The following GRM1 variants were observed in gnomAD, a reference collection of about 807,000 sequenced individuals.
GRM1 encodes metabotropic glutamate receptor 1.
Under a neutral mutation model 90.9 loss-of-function variants are expected in GRM1, and 33 were observed. The observed-to-expected ratio is 0.36, with a 90% CI of 0.28 to 0.49. The LOEUF (loss-of-function observed/expected upper bound fraction) is 0.49, where lower values mean the gene tolerates loss of function less well. Ranked by LOEUF, GRM1 falls within the 20% of genes least tolerant of loss-of-function variation. GRM1 has a pLI of 0.99. For missense variants in GRM1, 1,190 were observed against 1,534.3 expected (o/e 0.78, Z 3.75); for synonymous variants, 700 against 613.2 (o/e 1.14, Z -2.09).
At chr6:146,032,780 T>A (rs1562416434) in intron 1 of GRM1, among the ~76,000 whole-genome samples, 1 of 152,200 alleles carries the variant, frequency 6.6e-6, no homozygotes, top group Non-Finnish European at 1.5e-5. Flanking sequence ...TCGTTTCTTG[T>A]ATTAGAAGTT....
At chr6:146,294,155 A>C (rs910681027) in intron 2 of GRM1, among the ~76,000 whole-genome samples, 22 of 151,580 alleles carry the variant, frequency 1.5e-4, no homozygotes, top group Admixed American at 1.3e-3. Context: ...CTATTTTCTT[A>C]AGTTGAAAAT....
At chr6:146,050,367 CAGAT>C (rs1468551782) in intron 1 of GRM1, among the ~76,000 whole-genome samples, 4 of 151,934 alleles carry the variant, frequency 2.6e-5, no homozygotes, top group African/African-American at 9.7e-5. Flanking sequence ...CTGCAAGTAA[CAGAT>C]AGAGGGAGGC....
chr6:146,255,937 T>A (rs2114776874), intron 2 of GRM1, among the ~76,000 whole-genome samples: 1 of 152,288 alleles, frequency 6.6e-6, no homozygotes, highest in East Asian at 1.9e-4. Context: ...CCAAGATGTG[T>A]ATTTGTTTCA....
At chr6:146,363,255 T>C (rs1562639998) in intron 5 of GRM1, among the ~76,000 whole-genome samples, 3 of 152,312 alleles carry the variant, frequency 2.0e-5, no homozygotes, top group South Asian at 4.1e-4. Flanking sequence ...TCTGCAGAGA[T>C]TGGAGTTAGG....
chr6:146,363,414 C>T (rs1049155415), intron 5 of GRM1, among the ~76,000 whole-genome samples: 1 of 152,176 alleles, frequency 6.6e-6, no homozygotes. Flanking sequence ...CTAGCTTCTG[C>T]ATTACTGGGT....
chr6:146,043,139 T>A (rs1459778468), intron 1 of GRM1, among the ~76,000 whole-genome samples: 1 of 151,464 alleles, frequency 6.6e-6, no homozygotes, highest in Non-Finnish European at 1.5e-5. Context: ...AAAAAAAAAA[T>A]TAAAAAATAA....
At chr6:146,270,404 A>G (rs1466467046) in intron 2 of GRM1, among the ~76,000 whole-genome samples, 1 of 152,202 alleles carries the variant, frequency 6.6e-6, no homozygotes, top group African/African-American at 2.4e-5. Context: ...AGAATCTTCT[A>G]CATTATGTCA....
At chr6:146,074,379 G>A (rs1189745519) in intron 1 of GRM1, among the ~76,000 whole-genome samples, 6 of 152,036 alleles carry the variant, frequency 3.9e-5, no homozygotes, top group South Asian at 4.1e-4. Context: ...TGTGACTTCC[G>A]TGCTCCCTTG....
At chr6:146,290,626 T>G (rs2114883147) in intron 2 of GRM1, among the ~76,000 whole-genome samples, 1 of 152,288 alleles carries the variant, frequency 6.6e-6, no homozygotes, top group Admixed American at 6.5e-5. Context: ...ACTCATTTTT[T>G]CTTTCAATTT....
chr6:146,435,395 T>G lies in GRM1; in HGVS notation c.*599T>G, dbSNP rs574304799. On this transcript the variant is annotated 3_prime_UTR_variant, in exon 8 of 8. Transcript: ENST00000282753. ...GACAGACTCCTCATCTTCAGGAGAC[T>G]CAGGAATGGAGCGGCACAGGGGTCT... 4.6e-4 allele frequency: 83 copies of G among 180,540 alleles called. No individual in the cohort carries two copies. Among genetic ancestry groups the G allele is most frequent in the Admixed American group, 4.2e-3 (79 of 18,684 alleles). 11.2% of individuals were successfully genotyped at this position (180,540 alleles called of 1,614,324 possible).
intron 7 of GRM1, among the ~76,000 whole-genome samples, chr6:146,422,528 A>C (rs1778033360): frequency 6.6e-6 from 1 of 152,188 alleles, no homozygotes; most frequent in Non-Finnish European, 1.5e-5. Flanking sequence ...ATTTGAAAGC[A>C]TTTTCACACA....
chr6:146,030,157 G>A lies in GRM1; in HGVS notation c.640G>A (p.Ala214Thr), dbSNP rs1582899209. The A allele has an allele frequency of 1.2e-6, 2 of 1,614,066 alleles. No homozygotes were observed. Among genetic ancestry groups the A allele is most frequent in the Non-Finnish European group, 1.7e-6 (2 of 1,179,956 alleles). The change falls in exon 1 of 8, where the codon GCC becomes ACC. Residue 214 changes from alanine (A) to threonine (T), a missense_variant. Coordinates refer to ENST00000282753, the MANE Select transcript of GRM1 (RefSeq NM_001278064.2). ...CCCTTCTGACACTTTGCAGGCAAGG[G>A]CCATGCTTGACATAGTCAAACGTTA... ...VVPSDTLQAR[A>T]MLDIVKRYNW...
chr6:146,387,075 A>C (rs1385332414), intron 6 of GRM1, 59 bp downstream of exon 6: 2 of 1,505,240 alleles, frequency 1.3e-6, no homozygotes, highest in East Asian at 2.3e-5. Context: ...CAATGTGTCC[A>C]TCCCTCAAAT....
At chr6:146,389,604 T>C (rs139075499) in intron 6 of GRM1, among the ~76,000 whole-genome samples, 14 of 152,210 alleles carry the variant, frequency 9.2e-5, no homozygotes, top group African/African-American at 3.4e-4. Flanking sequence ...AATGGATTAA[T>C]ATTAATACAA....
intron 7 of GRM1, among the ~76,000 whole-genome samples, chr6:146,420,627 G>A (rs557707686): frequency 1.3e-5 from 2 of 152,228 alleles, no homozygotes; most frequent in South Asian, 4.1e-4. Context: ...CCAAGAGATA[G>A]GACCATATTA....
intron 6 of GRM1, among the ~76,000 whole-genome samples, chr6:146,396,242 G>A (rs865826371): frequency 3.9e-5 from 6 of 152,266 alleles, no homozygotes; most frequent in Middle Eastern, 6.8e-3. Context: ...TTTAGACAGA[G>A]ACAAATCTCT....
In GRM1 at chr6:146,434,547, G is replaced by A; in HGVS notation, c.3336G>A (p.Glu1112=). The A allele has an allele frequency of 6.2e-7, 1 of 1,614,172 alleles. No individual in the cohort carries two copies. The highest frequency in any genetic ancestry group is 8.5e-7 in the Non-Finnish European group (1 of 1,180,038). ...RFKLLQEYVY[E]HEREGNTEED... Reference sequence around the variant, plus strand: ...AGCTCCTCCAGGAGTACGTGTATGAGCACGAGCGGGAAGGGAACACGGAAG... The same window carrying A: ...AGCTCCTCCAGGAGTACGTGTATGAACACGAGCGGGAAGGGAACACGGAAG... The change falls in exon 8 of 8, where the codon GAG becomes GAA. Residue 1112 remains glutamate, a synonymous_variant. Transcript: ENST00000282753.
chr6:146,121,088 G>A (rs953980757), intron 1 of GRM1, among the ~76,000 whole-genome samples: 6 of 152,224 alleles, frequency 3.9e-5, no homozygotes, highest in African/African-American at 7.2e-5. Context: ...TGGTTGTTAA[G>A]CTATTAAATA....
At position 146,435,217 on chromosome 6, in the gene GRM1, C is replaced by G; in HGVS notation, c.*421C>G. The G allele has an allele frequency of 3.0e-6, 1 of 331,238 alleles. No individual in the cohort carries two copies. Among genetic ancestry groups the G allele is most frequent in the Non-Finnish European group, 5.8e-6 (1 of 172,244 alleles). 20.5% of individuals were successfully genotyped at this position (331,238 alleles called of 1,614,324 possible). A position where few individuals can be genotyped will look rare whatever the true frequency, so the allele number is the denominator to read the frequency against. Reference sequence around the variant, plus strand: ...GCCCACGTGGACATGCCAGTCGGATCATGAGTTCACCTGATGGCATTCGGA... The same window carrying G: ...GCCCACGTGGACATGCCAGTCGGATGATGAGTTCACCTGATGGCATTCGGA... On this transcript the variant is annotated 3_prime_UTR_variant, in exon 8 of 8. Coordinates refer to ENST00000282753, the MANE Select transcript of GRM1 (RefSeq NM_001278064.2).
Sources: gnomAD v4.1 joint callset for allele counts (sites outside exome capture counted in the v4.1 genomes callset) on GRCh38, gnomAD v4.1.1 for gene constraint, MANE v1.5 for transcripts, NCBI Gene and HGNC (gene_info 2026-07-23, HGNC 2026-07-21) for gene names.